PABPC4: variants seen among roughly 807,000 people sequenced by gnomAD.
The protein encoded by PABPC4 is poly(A) binding protein cytoplasmic 4, also known as polyadenylate-binding protein 4.
In PABPC4, 15 loss-of-function variants were observed where a neutral mutation model predicts 74.5. That is an observed-to-expected ratio of 0.20 (90% CI 0.13 to 0.31). PABPC4 has a LOEUF of 0.31. PABPC4 is among the 10% of genes least tolerant of loss of function. The pLI is 1.00. For missense variants in PABPC4, 610 were observed against 853.5 expected, an observed-to-expected ratio of 0.71 and a Z score of 3.55; for synonymous variants, 345 against 303.0, an observed-to-expected ratio of 1.14 and a Z score of -1.44.
intron 6 of PABPC4, 104 bp downstream of exon 6, chr1:39,568,698 G>T: frequency 9.6e-7 from 1 of 1,046,912 alleles, no homozygotes; most frequent in Non-Finnish European, 1.4e-6. Context: ...ATGGGAAGAA[G>T]AACACACTCC....
chr1:39,564,661 T>C (rs757336568), intron 9 of PABPC4, 25 bp downstream of exon 9: 4 of 1,612,040 alleles, frequency 2.5e-6, no homozygotes, highest in Middle Eastern at 1.6e-4. Context: ...TCCTGGGCTG[T>C]CAATTACTGT....
At chr1:39,561,634 G>T in intron 15 of PABPC4, 51 bp downstream of exon 15, 1 of 1,273,604 alleles carries the variant, frequency 7.9e-7, no homozygotes, top group Non-Finnish European at 1.1e-6. Flanking sequence ...CAAAGACAAT[G>T]CTCATAGGAA....
intron 1 of PABPC4, among the ~76,000 whole-genome samples, chr1:39,574,612 T>C (rs1412844169): frequency 6.6e-6 from 1 of 152,222 alleles, no homozygotes; most frequent in African/African-American, 2.4e-5. Flanking sequence ...TGGAGCACAC[T>C]GGATTGACAG....
chr1:39,573,487 C>T (rs906703994), intron 1 of PABPC4, among the ~76,000 whole-genome samples: 2 of 152,154 alleles, frequency 1.3e-5, no homozygotes, highest in South Asian at 4.1e-4. Flanking sequence ...CCTTAGCTTC[C>T]CAACCAAGTC....
At chr1:39,569,821 G>A (rs1645911269) in intron 4 of PABPC4, 42 bp downstream of exon 4, 2 of 1,607,922 alleles carry the variant, frequency 1.2e-6, no homozygotes, top group Non-Finnish European at 1.7e-6. Flanking sequence ...AAAACAGATG[G>A]GTCTGGTAGA....
chr1:39,565,468 G>A (rs971563594), intron 7 of PABPC4, 90 bp from the exon 8 acceptor site: 15 of 1,352,486 alleles, frequency 1.1e-5, no homozygotes, highest in Admixed American at 1.0e-4. Flanking sequence ...TTGGAAGGCT[G>A]AGGTGGGAGG....
At chr1:39,564,317 AG>A in intron 10 of PABPC4, 105 bp downstream of exon 10, 1 of 1,325,168 alleles carries the variant, frequency 7.5e-7, no homozygotes, top group Non-Finnish European at 1.0e-6. Flanking sequence ...TTACAGAACC[AG>A]GACTCGATAA....
chr1:39,571,552 C>A, intron 2 of PABPC4: 1 of 612,922 alleles, frequency 1.6e-6, no homozygotes, highest in East Asian at 2.8e-5. Context: ...TACTAAGATG[C>A]TTCTATTCCA....
intron 7 of PABPC4, 98 bp from the exon 8 acceptor site, chr1:39,565,476 AGG>A (rs1645822819): frequency 7.7e-7 from 1 of 1,298,332 alleles, no homozygotes; most frequent in Non-Finnish European, 1.1e-6. Context: ...CTGAGGTGGG[AGG>A]GCTGCTTGAG....
At chr1:39,571,413 G>C (rs943588558) in intron 2 of PABPC4, 64 bp from the exon 3 acceptor site, 2 of 1,600,180 alleles carry the variant, frequency 1.2e-6, no homozygotes, top group African/African-American at 2.7e-5. Context: ...GAGAACCTCA[G>C]GGTATCTTGT....
At chr1:39,575,699 G>GA (rs79094524) in intron 1 of PABPC4, 60 bp downstream of exon 1, 288,850 of 1,387,754 alleles carry the variant, frequency 0.21, 33,052 homozygotes, top group Non-Finnish European at 0.23. Flanking sequence ...GGCCCTGCCA[G>GA]AAGACGACTC....
At chr1:39,564,594 T>G (rs766016473) in intron 9 of PABPC4, 52 bp from the exon 10 acceptor site, 4 of 1,612,322 alleles carry the variant, frequency 2.5e-6, no homozygotes, top group Non-Finnish European at 3.4e-6. Context: ...GACCAGAACC[T>G]AGGCTGTGCC....
In PABPC4 at chr1:39,564,528, G is replaced by C. The variant is rs779232816; in HGVS notation, c.1348C>G (p.Pro450Ala). Residue 450 changes from proline (P) to alanine (A), a missense_variant, in exon 10 of 16, where the codon CCA becomes GCA. Pro to Ala is a conservative substitution (Grantham distance 27). Coordinates refer to ENST00000372858, the MANE Select transcript of PABPC4 (RefSeq NM_001135653.2). ...GGCCCAGACTGGCGTATAGCACTTG[G>C]CATTCCTTGGAAGCCTGGTGAAGAG... is the stretch of plus-strand genomic sequence containing the variant. ...GGRPQGFQGM[P>A]SAIRQSGPRP... 4 of 1,614,168 alleles carry C rather than the reference G, an allele frequency of 2.5e-6. No homozygotes were observed. The Admixed American group carries it at 6.7e-5, about 27-fold the overall frequency.
At chr1:39,564,088 T>C in intron 10 of PABPC4, 166 bp from the exon 11 acceptor site, 2 of 643,816 alleles carry the variant, frequency 3.1e-6, no homozygotes, top group South Asian at 1.9e-5. Flanking sequence ...TTTCCACATC[T>C]TGGAATACAA....
chr1:39,564,256 C>T (rs561613160), intron 10 of PABPC4, 167 bp downstream of exon 10: 31 of 723,718 alleles, frequency 4.3e-5, no homozygotes, highest in African/African-American at 4.3e-4. Context: ...ACACCTAGAA[C>T]TCATACTGTT....
intron 7 of PABPC4, chr1:39,567,319 A>G (rs2124452275): frequency 2.0e-6 from 1 of 502,448 alleles, no homozygotes; most frequent in Admixed American, 2.0e-5. Context: ...AGACCAGGGT[A>G]GAAGTTCCCA....
Position 39,576,514 on chromosome 1 carries a change from G to A in PABPC4, c.-563C>T, listed in dbSNP as rs1646028794. The A allele has an allele frequency of 6.7e-6, 1 of 150,000 alleles. No homozygotes were observed. The highest frequency in any genetic ancestry group is 1.5e-5 in the Non-Finnish European group (1 of 67,164). The allele number at this position is 150,000 out of a possible 1,614,324, so 9.3% of individuals were successfully genotyped here. A position where few individuals can be genotyped will look rare whatever the true frequency, so the allele number is the denominator to read the frequency against. On this transcript the variant is annotated 5_prime_UTR_variant, in exon 1 of 16. Coordinates refer to ENST00000372858, the MANE Select transcript of PABPC4 (RefSeq NM_001135653.2). The stretch of plus-strand genomic sequence containing the variant: ...GCGGGGCGCGGGGCTCGGGGCCCGA[G>A]CGGGGGGAGGGCACGGCGGGCCGGG...
chr1:39,563,679 C>T lies in PABPC4; in HGVS notation c.1603G>A (p.Ala535Thr). The T allele has an allele frequency of 6.2e-7, 1 of 1,614,292 alleles. No individual in the cohort carries two copies. Among genetic ancestry groups the T allele is most frequent in the Non-Finnish European group, 8.5e-7 (1 of 1,180,052 alleles). ...GAGGCGTATTTGTAGGGGGCAACAG[C>T]CCGGGGAGCAGCAGCAGCAACAGCA... ...RAAVAAAAPR[A>T]VAPYKYASSV... Residue 535 changes from alanine (A) to threonine (T), a missense_variant, in exon 12 of 16, where the codon GCT becomes ACT. Ala to Thr is a moderately conservative substitution (Grantham distance 58). Around this residue, in one of 4 missense-constraint regions of PABPC4, gnomAD observed 277 missense variants for 301.8 expected, o/e 0.92. Coordinates refer to ENST00000372858, the MANE Select transcript of PABPC4 (RefSeq NM_001135653.2).
At chr1:39,567,051 G>A (rs752962118) in intron 7 of PABPC4, among the ~76,000 whole-genome samples, 5 of 152,078 alleles carry the variant, frequency 3.3e-5, no homozygotes, top group Non-Finnish European at 7.4e-5. Context: ...TAGCAAGACC[G>A]GCGTCTGCAT....
Sources: allele counts gnomAD v4.1 joint callset (sites outside exome capture counted in the v4.1 genomes callset), GRCh38; gene constraint gnomAD v4.1.1; regional missense constraint gnomAD v4.1.1; transcripts MANE v1.5; gene names NCBI Gene and HGNC (gene_info 2026-07-23, HGNC 2026-07-21).